Variants in LRRIQ1 observed in about 807,000 individuals in gnomAD.
The protein encoded by LRRIQ1 is leucine-rich repeat- and IQ domain-containing protein 1.
A neutral mutation model predicts 211.9 loss-of-function variants in LRRIQ1; 210 were observed. The observed-to-expected ratio is 0.99, with a 90% CI of 0.89 to 1.11. The LOEUF (loss-of-function observed/expected upper bound fraction) is 1.11. Among genes scored for constraint, LRRIQ1 ranks in the 50% most tolerant of loss-of-function variants. The pLI, the probability that LRRIQ1 is intolerant of heterozygous loss-of-function variation, is 0.00. For synonymous variants in LRRIQ1, 699 were observed against 650.1 expected, an observed-to-expected ratio of 1.08 and a Z score of -1.14; for missense variants, 2,136 against 1,939.5, an observed-to-expected ratio of 1.10 and a Z score of -1.90.
At chr12:85,226,479 CTTTG>C (rs979565697) in intron 24 of LRRIQ1, among the ~76,000 whole-genome samples, 1 of 150,592 alleles carries the variant, frequency 6.6e-6, no homozygotes, top group Non-Finnish European at 1.5e-5. Context: ...CAAATCTTCC[CTTTG>C]TTTGAGTGTG....
chr12:85,126,337 T>G (rs1299493969), intron 17 of LRRIQ1, among the ~76,000 whole-genome samples: 1 of 151,998 alleles, frequency 6.6e-6, no homozygotes, highest in Admixed American at 6.5e-5. Flanking sequence ...TATAAAGAAA[T>G]ATAAGATACT....
At chr12:85,190,632 C>T (rs150623567) in intron 24 of LRRIQ1, among the ~76,000 whole-genome samples, 1 of 151,312 alleles carries the variant, frequency 6.6e-6, no homozygotes, top group African/African-American at 2.4e-5. Flanking sequence ...TTCTGATGGG[C>T]GTTTCAGACT....
At chr12:85,039,041 T>C (rs772410028) in intron 2 of LRRIQ1, among the ~76,000 whole-genome samples, 6 of 151,328 alleles carry the variant, frequency 4.0e-5, no homozygotes, top group Non-Finnish European at 8.9e-5. Flanking sequence ...TGTTATTTTA[T>C]TAGGATTGCA....
chr12:85,115,228 C>T (rs780458802), intron 15 of LRRIQ1, among the ~76,000 whole-genome samples: 23 of 152,166 alleles, frequency 1.5e-4, no homozygotes, highest in Non-Finnish European at 2.9e-4. Flanking sequence ...TACTTCATTT[C>T]CAACATTCAT....
At chr12:85,050,222 G>C (rs1418626929) in intron 6 of LRRIQ1, among the ~76,000 whole-genome samples, 2 of 151,810 alleles carry the variant, frequency 1.3e-5, no homozygotes, top group African/African-American at 4.8e-5. Flanking sequence ...CCTGAGATTT[G>C]GGTAGGAACT....
intron 24 of LRRIQ1, among the ~76,000 whole-genome samples, chr12:85,179,867 C>T (rs1891892679): frequency 6.6e-6 from 1 of 151,860 alleles, no homozygotes; most frequent in South Asian, 2.1e-4. Context: ...TCTATTTCCT[C>T]CCAACTGTTA....
intron 1 of LRRIQ1, among the ~76,000 whole-genome samples, chr12:85,254,591 A>C (rs1896036891): frequency 6.6e-6 from 1 of 152,098 alleles, no homozygotes; most frequent in Admixed American, 6.6e-5. Context: ...GAAGAAATTT[A>C]GTTTTGTTTC....
chr12:85,169,253 A>G (rs1354681816), intron 24 of LRRIQ1, among the ~76,000 whole-genome samples: 1 of 152,276 alleles, frequency 6.6e-6, no homozygotes, highest in East Asian at 1.9e-4. Flanking sequence ...TGTTTTTTGC[A>G]TGATTTTTTT....
At chr12:85,249,357 TATATTC>T (rs1345310683), downstream of LRRIQ1, among the ~76,000 whole-genome samples, 1 of 151,820 alleles carries the variant, frequency 6.6e-6, no homozygotes, top group Admixed American at 6.6e-5. Flanking sequence ...TTTATGTACA[TATATTC>T]ATATGTATAC....
chr12:85,071,787 C>A (rs1883112778), intron 10 of LRRIQ1, among the ~76,000 whole-genome samples: 1 of 152,144 alleles, frequency 6.6e-6, no homozygotes, highest in South Asian at 2.1e-4. Flanking sequence ...TGCAGGGGAA[C>A]TCCCATTTTT....
Position 85,124,382 on chromosome 12 carries a change from T to A in LRRIQ1, c.3870T>A (p.His1290Gln), listed in dbSNP as rs1429298564. The change falls in exon 17 of 27, where the codon CAT (histidine) becomes CAA (glutamine). Residue 1290 changes from histidine to glutamine, a missense_variant. By Grantham distance (24) the His-to-Gln change is conservative. Coordinates refer to ENST00000393217, the MANE Select transcript of LRRIQ1 (RefSeq NM_001079910.2). ...CATGTGAAAATATGGAAGGAAGACA[T>A]CAGGAAATATTAGTATGTCAGAAGA... ...SATCENMEGR[H>Q]QEILVCQKRE... The A allele has an allele frequency of 2.5e-6, 4 of 1,613,952 alleles. No individual in the cohort carries two copies. The highest frequency in any genetic ancestry group is 3.4e-6 in the Non-Finnish European group (4 of 1,180,000).
intron 24 of LRRIQ1, among the ~76,000 whole-genome samples, chr12:85,196,041 CAGAG>C (rs1403742246): frequency 6.6e-6 from 1 of 151,994 alleles, no homozygotes; most frequent in African/African-American, 2.4e-5. Flanking sequence ...AACAGACAAA[CAGAG>C]AGCCAAATCA....
intron 20 of LRRIQ1, 55 bp downstream of exon 20, chr12:85,152,424 A>G (rs767409495): frequency 1.4e-6 from 2 of 1,397,940 alleles, no homozygotes; most frequent in Non-Finnish European, 2.0e-6. Context: ...TCTTAAGGTT[A>G]TGCTATGTTG....
chr12:85,081,043 C>T (rs1383247891), intron 11 of LRRIQ1, among the ~76,000 whole-genome samples: 3 of 152,046 alleles, frequency 2.0e-5, no homozygotes, highest in Non-Finnish European at 4.4e-5. Flanking sequence ...AGTTTAGCTT[C>T]AGGCCCTCAG....
intron 11 of LRRIQ1, among the ~76,000 whole-genome samples, chr12:85,080,393 T>A (rs1225861178): frequency 6.6e-6 from 1 of 151,656 alleles, no homozygotes; most frequent in African/African-American, 2.4e-5. Context: ...AATTATTATA[T>A]GTAACAATAT....
intron 24 of LRRIQ1, among the ~76,000 whole-genome samples, chr12:85,174,253 CTT>C (rs1045820132): frequency 2.6e-5 from 4 of 151,790 alleles, no homozygotes; most frequent in African/African-American, 4.8e-5. Context: ...AAAAATATCT[CTT>C]TGATAGCAGA....
chr12:85,127,394 C>T (rs1315188791), intron 17 of LRRIQ1, among the ~76,000 whole-genome samples: 1 of 152,176 alleles, frequency 6.6e-6, no homozygotes, highest in Non-Finnish European at 1.5e-5. Context: ...CTTCCTCTTA[C>T]AGTAAAGGAA....
At chr12:85,051,424 C>T (rs1880298270) in intron 6 of LRRIQ1, among the ~76,000 whole-genome samples, 1 of 152,120 alleles carries the variant, frequency 6.6e-6, no homozygotes, top group African/African-American at 2.4e-5. Flanking sequence ...CCTTGGTTCT[C>T]TTTTAATTTT....
intron 23 of LRRIQ1, among the ~76,000 whole-genome samples, chr12:85,158,776 G>A (rs1481857556): frequency 2.0e-5 from 3 of 151,794 alleles, no homozygotes; most frequent in Non-Finnish European, 4.4e-5. Flanking sequence ...TACCACAGAG[G>A]AGTAGACTTA....
Sources: allele counts gnomAD v4.1 joint callset (sites outside exome capture counted in the v4.1 genomes callset), GRCh38; gene constraint gnomAD v4.1.1; transcripts MANE v1.5; gene names NCBI Gene and HGNC (gene_info 2026-07-23, HGNC 2026-07-21).